YBX3: variants seen among roughly 807,000 people sequenced by gnomAD.
The protein encoded by YBX3 is Y-box binding protein 3.
A neutral mutation model predicts 42.4 loss-of-function variants in YBX3; 29 were observed. The observed-to-expected ratio is 0.68, with a 90% confidence interval of 0.51 to 0.93. The LOEUF (loss-of-function observed/expected upper bound fraction) is 0.93, where lower values mean the gene tolerates loss of function less well. Ranked by LOEUF, YBX3 falls within the 40% of genes least tolerant of loss-of-function variation. The pLI is 0.00. For synonymous variants in YBX3, 195 were observed against 189.8 expected (o/e 1.03, Z -0.22); for missense variants, 517 against 527.5 (o/e 0.98, Z 0.19).
At chr12:10,710,363 CAATTT>C in intron 5 of YBX3, 1 of 1,403,788 alleles carries the variant, frequency 7.1e-7, no homozygotes, top group Non-Finnish European at 9.2e-7. Flanking sequence ...AATCTACAAT[CAATTT>C]AATAGTCATC....
At chr12:10,715,974 T>G in intron 3 of YBX3, 191 bp from the exon 4 acceptor site, 1 of 562,422 alleles carries the variant, frequency 1.8e-6, no homozygotes, top group South Asian at 2.0e-5. Flanking sequence ...CCACATTACT[T>G]CCTTGATTTG....
intron 6 of YBX3, among the ~76,000 whole-genome samples, chr12:10,706,344 C>G (rs904382817): frequency 5.3e-5 from 8 of 152,166 alleles, no homozygotes; most frequent in African/African-American, 4.8e-5. Context: ...GACATACATA[C>G]TAAAGAAAAA....
chr12:10,722,244 C>A (rs1246428048), intron 1 of YBX3: 5 of 152,320 alleles, frequency 3.3e-5, no homozygotes, highest in Admixed American at 2.6e-4. Flanking sequence ...TGCAACATCT[C>A]TTTGCTGGCA....
At chr12:10,700,928 T>C (rs1194513663) in intron 9 of YBX3, among the ~76,000 whole-genome samples, 14 of 152,210 alleles carry the variant, frequency 9.2e-5, no homozygotes, top group Admixed American at 9.2e-4. Context: ...TGTTTCTGAT[T>C]ACTAAAACCA....
intron 7 of YBX3, chr12:10,703,476 C>G (rs1275291926): frequency 6.3e-6 from 2 of 318,190 alleles, no homozygotes; most frequent in Non-Finnish European, 1.2e-5. Flanking sequence ...ATAGTGAGGC[C>G]TTTACTTTAT....
At chr12:10,711,981 C>T (rs1397999586) in intron 5 of YBX3, 2 of 152,164 alleles carry the variant, frequency 1.3e-5, no homozygotes, top group African/African-American at 4.8e-5. Context: ...TCATTCCTAG[C>T]TATCCCCCTC....
intron 1 of YBX3, 51 bp downstream of exon 1, chr12:10,722,799 G>A (rs1948344953): frequency 3.7e-6 from 5 of 1,366,448 alleles, no homozygotes; most frequent in Non-Finnish European, 3.8e-6. Flanking sequence ...CTCCGCGGCC[G>A]GCTGGGCCCG....
chr12:10,716,220 A>C, intron 3 of YBX3: 1 of 169,616 alleles, frequency 5.9e-6, no homozygotes, highest in East Asian at 1.8e-4. Flanking sequence ...GAGTAAACAA[A>C]ATTATCTCAA....
intron 3 of YBX3, among the ~76,000 whole-genome samples, chr12:10,716,474 T>A (rs187572303): frequency 8.4e-4 from 128 of 152,264 alleles, no homozygotes; most frequent in African/African-American, 3.0e-3. Flanking sequence ...GATAATACAT[T>A]AAAAGGTTAG....
chr12:10,714,030 GA>G (rs1948230800), intron 4 of YBX3, among the ~76,000 whole-genome samples: 2 of 152,154 alleles, frequency 1.3e-5, no homozygotes, highest in Admixed American at 1.3e-4. Context: ...CCTGAGTTCT[GA>G]AAACATACAG....
intron 8 of YBX3, 24 bp downstream of exon 8, chr12:10,701,936 T>C (rs376817541): frequency 1.2e-6 from 2 of 1,602,424 alleles, no homozygotes; most frequent in Non-Finnish European, 1.7e-6. Context: ...TCTGGCAACA[T>C]CCGCCCTGAC....
intron 1 of YBX3, 40 bp from the exon 2 acceptor site, chr12:10,719,183 CAG>C (rs1948297572): frequency 1.3e-6 from 2 of 1,530,154 alleles, no homozygotes; most frequent in Admixed American, 1.7e-5. Flanking sequence ...ATCTGACCTA[CAG>C]AGAGATATAG....
At position 10,723,173 on chromosome 12, in the gene YBX3, G is replaced by A; in HGVS notation, c.-62C>T. 1 of 1,184,782 alleles carries A rather than the reference G, an allele frequency of 8.4e-7. No homozygotes were observed. 73.4% of individuals were successfully genotyped at this position (1,184,782 alleles called of 1,614,324 possible). On this transcript the variant is annotated 5_prime_UTR_variant, in exon 1 of 10. Coordinates refer to ENST00000228251, the MANE Select transcript of YBX3 (RefSeq NM_003651.5). ...TGGCGGTTGGTCGGCGGTTAGCGCG[G>A]CTGGTGGTCGCGGCGGCCGGGGCTC...
chr12:10,720,392 T>G (rs1948311362), intron 1 of YBX3, among the ~76,000 whole-genome samples: 1 of 152,124 alleles, frequency 6.6e-6, no homozygotes, highest in Non-Finnish European at 1.5e-5. Flanking sequence ...TGTCTTTATA[T>G]CTCCAAAGTT....
chr12:10,722,982 C>G lies in YBX3; in HGVS notation c.130G>C (p.Ala44Pro), dbSNP rs1948350485. 1.6e-6 allele frequency: 2 copies of G among 1,224,894 alleles called. No individual in the cohort carries two copies. Among genetic ancestry groups the G allele is most frequent in the Non-Finnish European group, 2.0e-6 (2 of 987,188 alleles). The allele number at this position is 1,224,894 out of a possible 1,614,324, so 75.9% of individuals were successfully genotyped here. Residue 44 changes from alanine to proline, a missense_variant, in exon 1 of 10, where the codon GCG (alanine) becomes CCG (proline). By Grantham distance (27) the Ala-to-Pro change is conservative. Coordinates refer to ENST00000228251, the MANE Select transcript of YBX3 (RefSeq NM_003651.5). ...ACGTGGGCGGCGGGCGCCGGGGCCG[C>G]GGCCTGGGGCGCACCGCTGCCCACC... is the stretch of plus-strand genomic sequence containing the variant. ...SPVGSGAPQAAAPAPAAHVAG... is the reference protein window; with the variant it reads ...SPVGSGAPQAPAPAPAAHVAG...
chr12:10,707,371 T>C (rs1591575914), intron 6 of YBX3, among the ~76,000 whole-genome samples: 2 of 152,322 alleles, frequency 1.3e-5, no homozygotes. Context: ...CCCGTATTTG[T>C]TTAAATCAAA....
intron 9 of YBX3, among the ~76,000 whole-genome samples, chr12:10,700,402 T>C (rs1948065478): frequency 6.6e-6 from 1 of 151,982 alleles, no homozygotes; most frequent in Non-Finnish European, 1.5e-5. Flanking sequence ...TAAAAGCTAA[T>C]GGAAAGGGTG....
Position 10,722,976 on chromosome 12 carries a change from G to T in YBX3, c.136C>A (p.Pro46Thr), listed in dbSNP as rs995130844. The part of the protein sequence containing the change: ...VGSGAPQAAA[P>T]APAAHVAGNP... ...CCTGCGACGTGGGCGGCGGGCGCCG[G>T]GGCCGCGGCCTGGGGCGCACCGCTG... Residue 46 changes from proline (P) to threonine (T), a missense_variant, in exon 1 of 10, where the codon CCG becomes ACG. Physicochemically the swap from Pro to Thr is conservative, Grantham distance 38. This residue lies in a region of YBX3 where 86 missense variants were observed against 82.5 expected (regional missense o/e 1.04). Transcript: ENST00000228251. 2 of 1,236,584 alleles carry T rather than the reference G, an allele frequency of 1.6e-6. No homozygotes were observed. The highest frequency in any genetic ancestry group is 2.0e-6 in the Non-Finnish European group (2 of 994,684). 76.6% of individuals were successfully genotyped at this position (1,236,584 alleles called of 1,614,324 possible). A position where few individuals can be genotyped will look rare whatever the true frequency, so the allele number is the denominator to read the frequency against.
chr12:10,701,208 C>G (rs1948074299), intron 9 of YBX3, 46 bp downstream of exon 9: 1 of 753,208 alleles, frequency 1.3e-6, no homozygotes. Flanking sequence ...ACCAGTGATA[C>G]TAAAAAGAAA....
Sources: gnomAD v4.1 joint callset for allele counts (sites outside exome capture counted in the v4.1 genomes callset) on GRCh38, gnomAD v4.1.1 for gene constraint, gnomAD v4.1.1 regional missense constraint, MANE v1.5 for transcripts, NCBI Gene and HGNC (gene_info 2026-07-23, HGNC 2026-07-21) for gene names.